SMARCA2: variants seen among roughly 807,000 people sequenced by gnomAD.
The protein encoded by SMARCA2 is SWI/SNF related BAF chromatin remodeling complex subunit ATPase 2.
A neutral mutation model predicts 199.8 loss-of-function variants in SMARCA2; 61 were observed. The ratio of observed to expected loss-of-function variants is 0.31; its 90% confidence interval spans 0.25 to 0.38. SMARCA2 has a LOEUF of 0.38. Among genes scored for constraint, SMARCA2 ranks in the 10% least tolerant of loss-of-function variants. The pLI is 1.00. For missense variants in SMARCA2, 1,344 were observed against 2,012.2 expected (o/e 0.67, Z 6.35); for synonymous variants, 935 against 732.0 (o/e 1.28, Z -4.48).
chr9:2,176,478 T>A (rs1826613417), intron 29 of SMARCA2, among the ~76,000 whole-genome samples: 1 of 152,140 alleles, frequency 6.6e-6, no homozygotes, highest in Non-Finnish European at 1.5e-5. Context: ...TTCAGTCTCC[T>A]AACAGGGAAC....
intron 5 of SMARCA2, among the ~76,000 whole-genome samples, chr9:2,053,503 A>G (rs1820216421): frequency 6.6e-6 from 1 of 152,164 alleles, no homozygotes; most frequent in Non-Finnish European, 1.5e-5. Context: ...AGGTGTCTTC[A>G]GTTTTCCTCA....
At chr9:2,024,004 T>G (rs1388785436) in intron 1 of SMARCA2, among the ~76,000 whole-genome samples, 2 of 152,224 alleles carry the variant, frequency 1.3e-5, no homozygotes, top group Non-Finnish European at 2.9e-5. Context: ...CTTTTATTTC[T>G]GATATTCCAC....
Position 2,086,782 on chromosome 9 carries a change from T to C in SMARCA2, c.2527-47T>C, listed in dbSNP as rs761505455. 5 of 1,606,484 alleles carry C rather than the reference T, an allele frequency of 3.1e-6. No homozygotes were observed. In the South Asian group the frequency reaches 5.5e-5, roughly 18 times the overall value. ...ACCACTTGCTTGTTGGAAATAGTTG[T>C]ATTTTCCCTTGCTTACTACACGTCC... is the stretch of plus-strand genomic sequence containing the variant. On this transcript the variant is annotated intron_variant, in intron 17 of 33. Transcript: ENST00000349721. The surrounding 1 kb of genome is among the most constrained non-coding windows in gnomAD (Gnocchi z 4.3).
intron 27 of SMARCA2, among the ~76,000 whole-genome samples, chr9:2,132,179 G>C (rs985534311): frequency 2.0e-5 from 3 of 152,214 alleles, no homozygotes; most frequent in East Asian, 3.9e-4. Flanking sequence ...TACGAAGAAA[G>C]GTTAAAGAAC....
intron 1 of SMARCA2, among the ~76,000 whole-genome samples, chr9:2,024,491 G>C (rs1207079222): frequency 1.3e-5 from 2 of 152,104 alleles, no homozygotes; most frequent in East Asian, 1.9e-4. Context: ...ACTCGGTATG[G>C]TAACTAAAAC....
rs1210475818 is a variant in SMARCA2 at position 2,086,553 on chromosome 9, G to C, written c.2527-276G>C. On this transcript the variant is annotated intron_variant, in intron 17 of 33. Transcript: ENST00000349721. This position sits in a 1 kb window ranked among gnomAD's most constrained non-coding sequence, Gnocchi z 4.3. ...AGGATCCACACGTGGAAACAACCAT[G>C]TCATTCTGGACCCAAATTTCCTTCT... is the stretch of plus-strand genomic sequence containing the variant. Among the ~76,000 whole-genome samples the C allele has an allele frequency of 6.6e-6, 1 of 152,184 alleles. No homozygotes were observed. Among genetic ancestry groups the C allele is most frequent in the Non-Finnish European group, 1.5e-5 (1 of 68,034 alleles).
intron 27 of SMARCA2, among the ~76,000 whole-genome samples, chr9:2,140,538 C>A (rs957438171): frequency 6.6e-6 from 1 of 152,120 alleles, no homozygotes; most frequent in African/African-American, 2.4e-5. Flanking sequence ...TAATCACAAC[C>A]CCCAAACGCC....
rs764906078 is a variant in SMARCA2 at position 2,039,824 on chromosome 9, G to A, written c.714G>A (p.Gln238=). 6.2e-7 allele frequency: 1 copy of A among 1,608,456 alleles called. No homozygotes were observed. The highest frequency in any genetic ancestry group is 8.5e-7 in the Non-Finnish European group (1 of 1,177,508). The change falls in exon 4 of 34, where the codon CAG becomes CAA. Residue 238 remains glutamine, a synonymous_variant. Coordinates refer to ENST00000349721, the MANE Select transcript of SMARCA2 (RefSeq NM_003070.5). The surrounding 1 kb of genome is among the most constrained non-coding windows in gnomAD (Gnocchi z 4.8). ...QQQQQQQQQQ[Q]PQQQPPQPQT... is the part of the protein sequence containing the mutation. Reference sequence around the variant, plus strand: ...AGCAGCAGCAGCAGCAGCAACAGCAGCCGCAGCAGCAGCCGCCGCAACCAC... The same window carrying A: ...AGCAGCAGCAGCAGCAGCAACAGCAACCGCAGCAGCAGCCGCCGCAACCAC...
intron 19 of SMARCA2, among the ~76,000 whole-genome samples, chr9:2,094,225 G>C (rs1241706220): frequency 6.6e-6 from 1 of 152,162 alleles, no homozygotes; most frequent in African/African-American, 2.4e-5. Context: ...TGTGATTTTT[G>C]ATCCTGTGTA....
chr9:2,070,132 A>T (rs1821027718), intron 9 of SMARCA2, among the ~76,000 whole-genome samples: 1 of 152,224 alleles, frequency 6.6e-6, no homozygotes, highest in African/African-American at 2.4e-5. Context: ...CACTGTCTTG[A>T]TACTGCCCTG....
chr9:2,073,711 C>G, intron 12 of SMARCA2, 88 bp downstream of exon 12: 1 of 940,142 alleles, frequency 1.1e-6, no homozygotes, highest in Non-Finnish European at 1.7e-6. Context: ...GGCCTTGGGT[C>G]CTTCTATCAT....
rs748548278 is a variant in SMARCA2, at chr9:2,110,308, G to C, written c.3347G>C (p.Gly1116Ala). Residue 1116 changes from glycine to alanine, a missense_variant, in exon 24 of 34, where the codon GGA becomes GCA. By Grantham distance (60) the Gly-to-Ala change is moderately conservative (BLOSUM62 0). Coordinates refer to ENST00000349721, the MANE Select transcript of SMARCA2 (RefSeq NM_003070.5). This position sits in a 1 kb window ranked among gnomAD's most constrained non-coding sequence, Gnocchi z 4.8. ...TTGCTGAAGAAATTCAATGAACCTG[G>C]ATCCCAGTATTTCATTTTCTTGCTG... The part of the protein sequence containing the change: ...AALLKKFNEP[G>A]SQYFIFLLST... 1.9e-6 allele frequency: 3 copies of C among 1,613,556 alleles called. No individual in the cohort carries two copies. The highest frequency in any genetic ancestry group is 1.7e-5 in the Admixed American group (1 of 59,900).
intron 14 of SMARCA2, among the ~76,000 whole-genome samples, chr9:2,078,698 A>C (rs569973390): frequency 5.9e-5 from 9 of 152,206 alleles, no homozygotes; most frequent in African/African-American, 2.2e-4. Flanking sequence ...TAATCCCAGC[A>C]CTTTGGGAGG....
intron 29 of SMARCA2, among the ~76,000 whole-genome samples, chr9:2,171,050 C>T (rs1257278527): frequency 6.6e-6 from 1 of 152,184 alleles, no homozygotes; most frequent in African/African-American, 2.4e-5. Flanking sequence ...GCATCTAAAG[C>T]CAGTCTCTTT....
chr9:2,047,548 G>A (rs563732903), intron 5 of SMARCA2, 64 bp downstream of exon 5: 6 of 1,233,644 alleles, frequency 4.9e-6, no homozygotes, highest in Admixed American at 4.0e-5. Context: ...CAAGCCGAGG[G>A]GGGTGAGGCG....
chr9:2,047,537 C>T, intron 5 of SMARCA2, 53 bp downstream of exon 5: 2 of 1,257,064 alleles, frequency 1.6e-6, no homozygotes, highest in Non-Finnish European at 2.0e-6. Flanking sequence ...CACCTGCCGC[C>T]CAAGCCGAGG....
chr9:2,111,263 G>A (rs1822983932), intron 24 of SMARCA2, among the ~76,000 whole-genome samples: 1 of 151,842 alleles, frequency 6.6e-6, no homozygotes, highest in African/African-American at 2.4e-5. Context: ...GAGGCAGGAG[G>A]ATTGCTTTGA....
chr9:2,061,142 T>C (rs1820574061), intron 9 of SMARCA2, 156 bp downstream of exon 9: 1 of 669,160 alleles, frequency 1.5e-6, no homozygotes, highest in Admixed American at 3.0e-5. Context: ...CATGGAAGTG[T>C]TGATTAGGTA....
chr9:2,034,260 A>C (rs996170811), intron 3 of SMARCA2, among the ~76,000 whole-genome samples: 7 of 152,070 alleles, frequency 4.6e-5, no homozygotes, highest in African/African-American at 1.2e-4. Flanking sequence ...AAAAAAAAAA[A>C]AAAAAACTAT....
Sources: allele counts gnomAD v4.1 joint callset (sites outside exome capture counted in the v4.1 genomes callset), GRCh38; gene constraint gnomAD v4.1.1; non-coding constraint Gnocchi (gnomAD v3.1); transcripts MANE v1.5; gene names NCBI Gene and HGNC (gene_info 2026-07-23, HGNC 2026-07-21).